SPTAN1: variants seen among roughly 807,000 people sequenced by gnomAD.
SPTAN1 encodes the protein spectrin alpha, non-erythrocytic 1, also known as spectrin alpha chain, non-erythrocytic 1.
A neutral mutation model predicts 331.3 loss-of-function variants in SPTAN1; 61 were observed. The observed-to-expected ratio is 0.18, with a 90% CI of 0.15 to 0.23. SPTAN1 has a LOEUF of 0.23. Among genes scored for constraint, SPTAN1 ranks in the 10% least tolerant of loss-of-function variants. SPTAN1 has a pLI of 1.00. For missense variants in SPTAN1, 2,043 were observed against 3,147.9 expected, an observed-to-expected ratio of 0.65 and a Z score of 8.40; for synonymous variants, 1,153 against 1,173.9, an observed-to-expected ratio of 0.98 and a Z score of 0.36.
chr9:128,557,078 T>C (rs565012343), intron 1 of SPTAN1, among the ~76,000 whole-genome samples: 114 of 152,388 alleles, frequency 7.5e-4, no homozygotes, highest in African/African-American at 2.6e-3. Context: ...CAAAAGCAAC[T>C]GATGAATGGT....
rs953804421 is a variant in SPTAN1, at chr9:128,629,152, C to CT, written c.6708-1168dup. ...TAGCATATCGTCGGGTCATTCGTGTCTATCAGTATGAAGTTGGGGATGATC... is the reference window on the plus strand; with the variant it reads ...TAGCATATCGTCGGGTCATTCGTGTCTTATCAGTATGAAGTTGGGGATGATC... On this transcript the variant is annotated intron_variant, in intron 51 of 56. Coordinates refer to ENST00000372739, the MANE Select transcript of SPTAN1 (RefSeq NM_001130438.3). The surrounding 1 kb of genome is among the most constrained non-coding windows in gnomAD (Gnocchi z 4.9). 17 of 398,738 alleles carry CT rather than the reference C, an allele frequency of 4.3e-5. No individual in the cohort carries two copies. In the Admixed American group the frequency reaches 7.0e-4, roughly 17 times the overall value. 24.7% of individuals were successfully genotyped at this position (398,738 alleles called of 1,614,324 possible). A position where few individuals can be genotyped will look rare whatever the true frequency, so the allele number is the denominator to read the frequency against.
chr9:128,591,775 C>A, intron 22 of SPTAN1, 150 bp downstream of exon 22: 1 of 905,212 alleles, frequency 1.1e-6, no homozygotes, highest in Admixed American at 2.5e-5. Flanking sequence ...CACAGACCTC[C>A]CTGTGTGGGT....
chr9:128,603,453 C>T, intron 27 of SPTAN1, 90 bp from the exon 28 acceptor site: 1 of 1,446,552 alleles, frequency 6.9e-7, no homozygotes, highest in Non-Finnish European at 9.7e-7. Flanking sequence ...TTGGGTTAAT[C>T]ACAGGGACCT....
At chr9:128,575,005 TCGCTGAGA>T (rs1020242153) in intron 4 of SPTAN1, among the ~76,000 whole-genome samples, 186 bp from the exon 5 acceptor site, 9 of 152,084 alleles carry the variant, frequency 5.9e-5, no homozygotes, top group Admixed American at 5.2e-4. Context: ...AAGCCTGGAG[TCGCTGAGA>T]CAGAAATGCC....
rs558756418 is a variant in SPTAN1, at chr9:128,604,430, C to A, written c.3719+13C>A. The A allele has an allele frequency of 6.2e-7, 1 of 1,610,228 alleles. No homozygotes were observed. The highest frequency in any genetic ancestry group is 8.5e-7 in the Non-Finnish European group (1 of 1,178,194). On this transcript the variant is annotated intron_variant, in intron 29 of 56. Transcript: ENST00000372739. ...AGAGGTTCCACAGGTGAGGGGTCAG[C>A]CCTGGGCTGGGAGAGGGAGAAACAG...
In SPTAN1 at chr9:128,578,182, A is replaced by G; in HGVS notation, c.1158A>G (p.Ala386=). The G allele has an allele frequency of 6.2e-7, 1 of 1,614,134 alleles. No homozygotes were observed. The highest frequency in any genetic ancestry group is 8.5e-7 in the Non-Finnish European group (1 of 1,179,972). ...CTGAGATGAAAGCCCTCATCAATGC[A>G]GATGAGCTTGCCAGTGATGTGGCTG... is the stretch of plus-strand genomic sequence containing the variant. ...WVTEMKALIN[A]DELASDVAGA... The change falls in exon 9 of 57, where the codon GCA becomes GCG. Residue 386 remains alanine, a synonymous_variant. Coordinates refer to ENST00000372739, the MANE Select transcript of SPTAN1 (RefSeq NM_001130438.3).
At chr9:128,614,453 G>T (rs114061062) in intron 40 of SPTAN1, among the ~76,000 whole-genome samples, 2 of 152,070 alleles carry the variant, frequency 1.3e-5, no homozygotes, top group African/African-American at 4.8e-5. Context: ...TTAGCAGGGC[G>T]TGGCATGTGC....
At chr9:128,623,942 C>T (rs974526656) in intron 45 of SPTAN1, among the ~76,000 whole-genome samples, 4 of 141,808 alleles carry the variant, frequency 2.8e-5, no homozygotes, top group African/African-American at 1.2e-4. Context: ...ATTAGCTGTG[C>T]ATGGTGGTGT....
In SPTAN1 at chr9:128,633,281, C is replaced by T. The variant is rs745751324; in HGVS notation, c.7381C>T (p.Leu2461Phe). The stretch of plus-strand genomic sequence containing the variant: ...CTACGTGGACGGCAAGGGCCGCGAG[C>T]TCCCCACCGCGTTCGACTACGTGGA... Reference protein sequence around the residue: ...KPYVDGKGRELPTAFDYVEFT... With the variant: ...KPYVDGKGREFPTAFDYVEFT... Residue 2461 changes from leucine (L) to phenylalanine (F), a missense_variant, in exon 57 of 57, where the codon CTC (leucine) becomes TTC (phenylalanine). Leu to Phe is a conservative substitution (Grantham distance 22, BLOSUM62 0). Coordinates refer to ENST00000372739, the MANE Select transcript of SPTAN1 (RefSeq NM_001130438.3). The T allele has an allele frequency of 2.5e-6, 4 of 1,613,916 alleles. No homozygotes were observed. Among genetic ancestry groups the T allele is most frequent in the African/African-American group, 2.7e-5 (2 of 74,930 alleles).
At position 128,577,266 on chromosome 9, in the gene SPTAN1, A is replaced by G. The variant is rs1851411971; in HGVS notation, c.923A>G (p.Glu308Gly). ...EGLERDLAAL[E>G]DKVKALCAEA... ...CTGGAGAGAGATCTTGCTGCTCTAG[A>G]AGACAAGGTGGGTTTTACAAGCAGC... The change falls in exon 7 of 57, where the codon GAA becomes GGA. Residue 308 changes from glutamate (E) to glycine (G), a missense_variant. Glu to Gly is a moderately conservative substitution (Grantham distance 98). Coordinates refer to ENST00000372739, the MANE Select transcript of SPTAN1 (RefSeq NM_001130438.3). This position sits in a 1 kb window ranked among gnomAD's most constrained non-coding sequence, Gnocchi z 4.2. 1 of 1,614,194 alleles carries G rather than the reference A, an allele frequency of 6.2e-7. No individual in the cohort carries two copies. Among genetic ancestry groups the G allele is most frequent in the Non-Finnish European group, 8.5e-7 (1 of 1,180,028 alleles).
chr9:128,603,969 G>A (rs967172084), intron 28 of SPTAN1, among the ~76,000 whole-genome samples: 5 of 152,202 alleles, frequency 3.3e-5, no homozygotes, highest in Non-Finnish European at 7.3e-5. Flanking sequence ...ATTGGGTGTT[G>A]GGAGGCAGCA....
At chr9:128,557,584 A>G (rs958938548) in intron 1 of SPTAN1, among the ~76,000 whole-genome samples, 7 of 151,096 alleles carry the variant, frequency 4.6e-5, no homozygotes, top group Non-Finnish European at 1.5e-5. Flanking sequence ...TATGCCCCCA[A>G]ATACCCCCAA....
At chr9:128,631,939 T>C (rs951824372) in intron 52 of SPTAN1, 188 bp from the exon 53 acceptor site, 30 of 628,930 alleles carry the variant, frequency 4.8e-5, no homozygotes, top group Non-Finnish European at 5.5e-5. Context: ...TGAAAGTCTC[T>C]CCCTCTATTG....
chr9:128,618,194 C>T (rs530795999), intron 43 of SPTAN1, 86 bp downstream of exon 43: 1 of 1,579,322 alleles, frequency 6.3e-7, no homozygotes, highest in South Asian at 1.1e-5. Context: ...GTCCAGTGGG[C>T]CCTCCTACTG....
intron 43 of SPTAN1, 56 bp downstream of exon 43, chr9:128,618,164 G>T (rs1857408487): frequency 6.2e-7 from 1 of 1,609,064 alleles, no homozygotes; most frequent in Non-Finnish European, 8.5e-7. Context: ...GCACCCAAGG[G>T]CAGACTCTGA....
chr9:128,594,550 C>T (rs544477435), intron 24 of SPTAN1, among the ~76,000 whole-genome samples, 177 bp downstream of exon 24: 3 of 150,880 alleles, frequency 2.0e-5, no homozygotes, highest in Non-Finnish European at 4.4e-5. Flanking sequence ...CCTGCCTCAG[C>T]ATCCTGAGTT....
At chr9:128,575,072 C>T (rs1851156598) in intron 4 of SPTAN1, 127 bp from the exon 5 acceptor site, 2 of 1,414,482 alleles carry the variant, frequency 1.4e-6, no homozygotes, top group Admixed American at 3.4e-5. Flanking sequence ...AATCACAAAC[C>T]ACAGACAAAA....
At chr9:128,555,206 T>A (rs1204618190) in intron 1 of SPTAN1, 1 of 493,712 alleles carries the variant, frequency 2.0e-6, no homozygotes, top group African/African-American at 2.0e-5. Context: ...CTATACAGAA[T>A]GTCAGAGAGA....
chr9:128,593,927 G>C, intron 23 of SPTAN1: 2 of 520,572 alleles, frequency 3.8e-6, no homozygotes, highest in Non-Finnish European at 7.1e-6. Flanking sequence ...ATCGGCCTGG[G>C]GATAAGTGTG....
Sources: allele counts gnomAD v4.1 joint callset (sites outside exome capture counted in the v4.1 genomes callset), GRCh38; gene constraint gnomAD v4.1.1; non-coding constraint Gnocchi (gnomAD v3.1); transcripts MANE v1.5; gene names NCBI Gene and HGNC (gene_info 2026-07-23, HGNC 2026-07-21).